The following GXYLT1 variants were observed in gnomAD, a reference collection of about 807,000 sequenced individuals.
The protein encoded by GXYLT1 is glucoside xylosyltransferase 1, also known as glycosyltransferase 8 domain containing 3.
GXYLT1 carries 29 observed loss-of-function variants against 54.0 expected under a neutral mutation model. The observed-to-expected ratio is 0.54, with a 90% CI of 0.40 to 0.73. The LOEUF is 0.73. Among genes scored for constraint, GXYLT1 ranks in the 30% least tolerant of loss-of-function variants. The probability of loss-of-function intolerance (pLI) is 0.00; values close to 1 mark genes in which losing one functional copy is unlikely to be tolerated. For missense variants in GXYLT1, 490 were observed against 553.4 expected, an observed-to-expected ratio of 0.89 and a Z score of 1.15; for synonymous variants, 176 against 204.1, an observed-to-expected ratio of 0.86 and a Z score of 1.17.
At chr12:42,097,817 A>T in intron 6 of GXYLT1, 93 bp downstream of exon 6, 1 of 1,075,232 alleles carries the variant, frequency 9.3e-7, no homozygotes, top group Non-Finnish European at 1.3e-6. Context: ...AATCATTAAT[A>T]TAAGACAGAA....
intron 5 of GXYLT1, among the ~76,000 whole-genome samples, chr12:42,102,135 T>C (rs1012121044): frequency 6.6e-6 from 1 of 152,218 alleles, no homozygotes; most frequent in African/African-American, 2.4e-5. Flanking sequence ...GTTTCATTTT[T>C]TGAATTAAGC....
intron 3 of GXYLT1, 86 bp from the exon 4 acceptor site, chr12:42,109,777 G>A (rs1395333990): frequency 4.7e-6 from 4 of 847,088 alleles, no homozygotes; most frequent in Non-Finnish European, 5.4e-6. Context: ...AAACAAAAGA[G>A]CTAAAAATTA....
At chr12:42,091,728 G>C (rs2065330315) in intron 7 of GXYLT1, among the ~76,000 whole-genome samples, 1 of 152,156 alleles carries the variant, frequency 6.6e-6, no homozygotes, top group Non-Finnish European at 1.5e-5. Context: ...TAATACACTA[G>C]AACTGTAGCC....
Position 42,144,845 on chromosome 12 carries a change from T to G in GXYLT1, c.-199A>C. The G allele has an allele frequency of 2.1e-5, 7 of 339,620 alleles. No individual in the cohort carries two copies. Among genetic ancestry groups the G allele is most frequent in the Non-Finnish European group, 2.7e-5 (5 of 188,014 alleles). 21.0% of individuals were successfully genotyped at this position (339,620 alleles called of 1,614,324 possible). On this transcript the variant is annotated 5_prime_UTR_variant, in exon 1 of 8. Transcript: ENST00000398675. ...AGTCGCGGCTCCGGAGCCGAAGGAC[T>G]ACCCGCCCGGAAGCCTGGACACCGC...
chr12:42,125,212 A>G (rs1263381997), intron 2 of GXYLT1, among the ~76,000 whole-genome samples: 4 of 152,202 alleles, frequency 2.6e-5, no homozygotes, highest in Non-Finnish European at 4.4e-5. Flanking sequence ...AGACAAGAAG[A>G]GTTAATGTAG....
chr12:42,093,409 C>T (rs568619167), intron 7 of GXYLT1, among the ~76,000 whole-genome samples: 1 of 151,872 alleles, frequency 6.6e-6, no homozygotes, highest in Admixed American at 6.6e-5. Context: ...CCTAAAAATA[C>T]CAACAAGTTT....
chr12:42,097,061 A>C (rs1430024407), intron 7 of GXYLT1, among the ~76,000 whole-genome samples: 3 of 152,168 alleles, frequency 2.0e-5, no homozygotes, highest in African/African-American at 7.2e-5. Flanking sequence ...TCTAGATCAA[A>C]AGAGAGTAAA....
chr12:42,097,723 T>C (rs2065364399), intron 6 of GXYLT1, 109 bp from the exon 7 acceptor site: 4 of 1,143,424 alleles, frequency 3.5e-6, no homozygotes, highest in South Asian at 1.4e-5. Flanking sequence ...TAAGAATTAA[T>C]GAAAAATGTC....
At chr12:42,129,305 A>G (rs1482364887) in intron 2 of GXYLT1, among the ~76,000 whole-genome samples, 1 of 152,200 alleles carries the variant, frequency 6.6e-6, no homozygotes, top group African/African-American at 2.4e-5. Context: ...CTCCTCCATT[A>G]AATACTTATC....
chr12:42,104,928 T>C (rs772742471), intron 5 of GXYLT1, among the ~76,000 whole-genome samples: 1 of 152,240 alleles, frequency 6.6e-6, no homozygotes, highest in Non-Finnish European at 1.5e-5. Context: ...TCACTGTTTT[T>C]AGCTAACATT....
chr12:42,085,854 G>A lies in GXYLT1; in HGVS notation c.*1932C>T, dbSNP rs570528389. The A allele has an allele frequency of 1.7e-5, 2 of 118,326 alleles. No individual in the cohort carries two copies. Among genetic ancestry groups the A allele is most frequent in the Admixed American group, 8.6e-5 (1 of 11,652 alleles). The allele number at this position is 118,326 out of a possible 1,614,324, so 7.3% of individuals were successfully genotyped here. Reference sequence around the variant, plus strand: ...ATGTATGGGATTTTAAGATACTTAAGCAAACAAAAAAATGACAAATGAAGC... The same window carrying A: ...ATGTATGGGATTTTAAGATACTTAAACAAACAAAAAAATGACAAATGAAGC... On this transcript the variant is annotated 3_prime_UTR_variant, in exon 8 of 8. Transcript: ENST00000398675.
chr12:42,098,095 C>G (rs1489430304), intron 5 of GXYLT1, 62 bp from the exon 6 acceptor site: 1 of 1,499,144 alleles, frequency 6.7e-7, no homozygotes, highest in South Asian at 1.2e-5. Context: ...AGCATGATGA[C>G]AGTTCCTCAT....
At chr12:42,129,730 G>A (rs777453638) in intron 2 of GXYLT1, 29 bp downstream of exon 2, 1 of 1,399,254 alleles carries the variant, frequency 7.1e-7, no homozygotes, top group Non-Finnish European at 1.0e-6. Context: ...TATCTACACT[G>A]ATCTACCAAT....
At chr12:42,130,741 AG>A (rs2065589344) in intron 1 of GXYLT1, among the ~76,000 whole-genome samples, 1 of 152,124 alleles carries the variant, frequency 6.6e-6, no homozygotes, top group South Asian at 2.1e-4. Context: ...GCTTGAGGCT[AG>A]GAGTTCAAGA....
chr12:42,105,737 T>G, intron 5 of GXYLT1, 81 bp downstream of exon 5: 1 of 1,008,256 alleles, frequency 9.9e-7, no homozygotes, highest in Non-Finnish European at 1.4e-6. Context: ...CAATTTAGTT[T>G]TTAATAAAAT....
At position 42,083,473 on chromosome 12, in the gene GXYLT1, T is replaced by A. The variant is rs544778641; in HGVS notation, c.*4313A>T. 1 of 152,226 alleles carries A rather than the reference T, an allele frequency of 6.6e-6. No homozygotes were observed. The highest frequency in any genetic ancestry group is 1.5e-5 in the Non-Finnish European group (1 of 68,034). 9.4% of individuals were successfully genotyped at this position (152,226 alleles called of 1,614,324 possible). On this transcript the variant is annotated 3_prime_UTR_variant, in exon 8 of 8. Coordinates refer to ENST00000398675, the MANE Select transcript of GXYLT1 (RefSeq NM_173601.2). ...GATAACTGGCCCCACACCTGACATA[T>A]TGCACCCCTACTTTTCTTCTCTACT...
At chr12:42,138,316 A>T (rs992012987) in intron 1 of GXYLT1, among the ~76,000 whole-genome samples, 1 of 152,186 alleles carries the variant, frequency 6.6e-6, no homozygotes, top group Non-Finnish European at 1.5e-5. Flanking sequence ...CAAACAAATA[A>T]ATAATTTCTA....
In GXYLT1 at chr12:42,087,797, TTGG is replaced by T. The variant is rs1193851046; in HGVS notation, c.1309_1311del (p.Pro437del). 3.7e-6 allele frequency: 6 copies of T among 1,600,436 alleles called. No individual in the cohort carries two copies. In the South Asian group the frequency reaches 6.8e-5, roughly 18 times the overall value. ...GCAGTCACCAAGAATCACTTTTCCT[TTGG>T]TGATCTGGCATAACGATCTCTTACA... On this transcript the variant is annotated inframe_deletion, in exon 8 of 8. Coordinates refer to ENST00000398675, the MANE Select transcript of GXYLT1 (RefSeq NM_173601.2).
At chr12:42,139,392 T>C (rs2065639064) in intron 1 of GXYLT1, among the ~76,000 whole-genome samples, 1 of 152,182 alleles carries the variant, frequency 6.6e-6, no homozygotes, top group Admixed American at 6.5e-5. Context: ...GAAATCTAAT[T>C]ACTAACATGA....
Sources: gnomAD v4.1 joint callset for allele counts (sites outside exome capture counted in the v4.1 genomes callset) on GRCh38, gnomAD v4.1.1 for gene constraint, MANE v1.5 for transcripts, NCBI Gene and HGNC (gene_info 2026-07-23, HGNC 2026-07-21) for gene names.